The following PCSK2 variants were observed in gnomAD, a reference collection of about 807,000 sequenced individuals.
PCSK2 encodes proprotein convertase subtilisin/kexin type 2, also known as neuroendocrine convertase 2.
PCSK2 carries 14 observed loss-of-function variants against 69.7 expected under a neutral mutation model. The ratio of observed to expected loss-of-function variants is 0.20; its 90% CI spans 0.13 to 0.31. PCSK2 has a LOEUF of 0.31. Among genes scored for constraint, PCSK2 ranks in the 10% least tolerant of loss-of-function variants. The pLI is 1.00. For synonymous variants in PCSK2, 307 were observed against 320.7 expected, an observed-to-expected ratio of 0.96 and a Z score of 0.46; for missense variants, 544 against 842.5, an observed-to-expected ratio of 0.65 and a Z score of 4.39.
intron 5 of PCSK2, among the ~76,000 whole-genome samples, chr20:17,384,425 C>CAAAAAAAAAAAA (rs11478291): frequency 9.4e-6 from 1 of 106,548 alleles, no homozygotes; most frequent in Non-Finnish European, 1.8e-5. Context: ...CCATATCTAC[C>CAAAAAAAAAAAA]AAAAAAAAAA....
At chr20:17,317,213 C>T (rs537583571) in intron 2 of PCSK2, among the ~76,000 whole-genome samples, 1 of 152,298 alleles carries the variant, frequency 6.6e-6, no homozygotes, top group East Asian at 1.9e-4. Flanking sequence ...TAAAGAAGAA[C>T]TTGAGAGTTG....
chr20:17,388,381 T>A (rs537532803), intron 5 of PCSK2, among the ~76,000 whole-genome samples: 1 of 151,968 alleles, frequency 6.6e-6, no homozygotes, highest in Non-Finnish European at 1.5e-5. Context: ...GGGGCTTTTC[T>A]AGGAGAAAGA....
intron 2 of PCSK2, among the ~76,000 whole-genome samples, chr20:17,309,246 C>G (rs1447810060): frequency 6.6e-6 from 1 of 152,084 alleles, no homozygotes; most frequent in Non-Finnish European, 1.5e-5. Flanking sequence ...AGGGCTATGA[C>G]AGCAAAGAGG....
At position 17,366,851 on chromosome 20, in the gene PCSK2, G is replaced by T. The variant is rs964564216; in HGVS notation, c.506-2389G>T. On this transcript the variant is annotated intron_variant, in intron 4 of 11. Transcript: ENST00000262545. ...CTTGTTTTAATTCTAATTTCCTTCTGGTCTCAAATTATCTTCTTGCTCCAG... is the reference window on the plus strand; with the variant it reads ...CTTGTTTTAATTCTAATTTCCTTCTTGTCTCAAATTATCTTCTTGCTCCAG... Among the ~76,000 whole-genome samples the T allele has an allele frequency of 3.9e-5, 6 of 151,904 alleles. No homozygotes were observed. In the East Asian group the frequency reaches 1.2e-3, roughly 29 times the overall value.
At chr20:17,370,320 G>A (rs2030720947) in intron 5 of PCSK2, among the ~76,000 whole-genome samples, 1 of 152,154 alleles carries the variant, frequency 6.6e-6, no homozygotes, top group African/African-American at 2.4e-5. Flanking sequence ...CATTTGTCCT[G>A]GAAGGCGAGT....
chr20:17,450,418 A>C (rs552880936), intron 8 of PCSK2, among the ~76,000 whole-genome samples: 10 of 152,296 alleles, frequency 6.6e-5, no homozygotes, highest in African/African-American at 2.4e-4. Context: ...TATGTGAAGT[A>C]CTTAACAAGT....
intron 5 of PCSK2, among the ~76,000 whole-genome samples, chr20:17,372,975 T>C (rs1051126437): frequency 6.6e-6 from 1 of 152,182 alleles, no homozygotes; most frequent in African/African-American, 2.4e-5. Context: ...TAGACAGTGA[T>C]AGGCTCGAAA....
At chr20:17,354,977 G>A (rs1469551078) in intron 2 of PCSK2, among the ~76,000 whole-genome samples, 2 of 152,144 alleles carry the variant, frequency 1.3e-5, no homozygotes, top group Non-Finnish European at 2.9e-5. Context: ...CTCTTTCAAA[G>A]TGTAACTGTG....
At chr20:17,335,303 C>G (rs546189470) in intron 2 of PCSK2, among the ~76,000 whole-genome samples, 1 of 152,304 alleles carries the variant, frequency 6.6e-6, no homozygotes, top group African/African-American at 2.4e-5. Context: ...AGCTCAGCCT[C>G]TCCAGGACCA....
At chr20:17,433,088 C>T (rs532685595) in intron 7 of PCSK2, among the ~76,000 whole-genome samples, 3 of 152,148 alleles carry the variant, frequency 2.0e-5, no homozygotes, top group Non-Finnish European at 4.4e-5. Context: ...TATTCACCTT[C>T]CTTTTTAAAC....
intron 4 of PCSK2, among the ~76,000 whole-genome samples, chr20:17,365,131 G>T (rs962142561): frequency 6.6e-6 from 1 of 152,070 alleles, no homozygotes; most frequent in Non-Finnish European, 1.5e-5. Context: ...TCACACTTCT[G>T]GAGGCTGGGA....
At chr20:17,481,462 C>A in intron 11 of PCSK2, 122 bp from the exon 12 acceptor site, 1 of 747,262 alleles carries the variant, frequency 1.3e-6, no homozygotes, top group Non-Finnish European at 2.2e-6. Flanking sequence ...GGGAACTAAA[C>A]CCAGGTCTGA....
chr20:17,417,324 C>T (rs1471440885), intron 6 of PCSK2, among the ~76,000 whole-genome samples: 1 of 149,786 alleles, frequency 6.7e-6, no homozygotes, highest in African/African-American at 2.4e-5. Context: ...TAAAACTCAT[C>T]ATTGTCAGCG....
chr20:17,284,087 T>C (rs1269075118), intron 2 of PCSK2, among the ~76,000 whole-genome samples: 1 of 152,208 alleles, frequency 6.6e-6, no homozygotes, highest in Non-Finnish European at 1.5e-5. Context: ...ACCCCCACCA[T>C]TGCCATCTCA....
chr20:17,297,199 G>A (rs1412772220), intron 2 of PCSK2, among the ~76,000 whole-genome samples: 2 of 152,230 alleles, frequency 1.3e-5, no homozygotes, highest in East Asian at 1.9e-4. Context: ...GTCCGAGGTA[G>A]CAAGAGGAGA....
At chr20:17,299,097 C>T (rs1000877529) in intron 2 of PCSK2, among the ~76,000 whole-genome samples, 34 of 151,806 alleles carry the variant, frequency 2.2e-4, no homozygotes, top group Admixed American at 2.1e-3. Flanking sequence ...TAAAATTTAC[C>T]TCACTGTCTC....
intron 4 of PCSK2, among the ~76,000 whole-genome samples, chr20:17,362,433 A>T (rs1360751375): frequency 6.6e-6 from 1 of 152,192 alleles, no homozygotes; most frequent in Non-Finnish European, 1.5e-5. Flanking sequence ...TCATCTGGGC[A>T]GTTCTGCAAG....
At chr20:17,332,220 G>C (rs1990224918) in intron 2 of PCSK2, among the ~76,000 whole-genome samples, 1 of 152,190 alleles carries the variant, frequency 6.6e-6, no homozygotes, top group Admixed American at 6.5e-5. Flanking sequence ...GGTGGACTCA[G>C]CTTGGGATGG....
chr20:17,463,159 C>T (rs965984894), intron 10 of PCSK2, among the ~76,000 whole-genome samples: 2 of 152,188 alleles, frequency 1.3e-5, no homozygotes, highest in Non-Finnish European at 2.9e-5. Flanking sequence ...CTAAAATGCA[C>T]CCCATGAGAA....
Sources: allele counts gnomAD v4.1 joint callset (sites outside exome capture counted in the v4.1 genomes callset), GRCh38; gene constraint gnomAD v4.1.1; transcripts MANE v1.5; gene names NCBI Gene and HGNC (gene_info 2026-07-23, HGNC 2026-07-21).